Variants in VAT1L observed in about 807,000 individuals in gnomAD.
The protein encoded by VAT1L is vesicle amine transport 1 like, also known as putative NADPH-dependent quinone oxidoreductase VAT1L.
Under a neutral mutation model 44.1 loss-of-function variants are expected in VAT1L, and 34 were observed. The observed-to-expected ratio is 0.77, with a 90% CI of 0.59 to 1.03. VAT1L has a LOEUF of 1.03. Among genes scored for constraint, VAT1L ranks in the 50% least tolerant of loss-of-function variants. The pLI is 0.00. For synonymous variants in VAT1L, 253 were observed against 202.2 expected (o/e 1.25, Z -2.13); for missense variants, 615 against 538.8 (o/e 1.14, Z -1.40).
intron 8 of VAT1L, among the ~76,000 whole-genome samples, chr16:77,974,772 T>C (rs1284846585): frequency 6.6e-6 from 1 of 152,152 alleles, no homozygotes; most frequent in Non-Finnish European, 1.5e-5. Flanking sequence ...TTTCACCATG[T>C]TGGCCAGGCT....
At chr16:77,793,562 G>A (rs1423922402) in intron 1 of VAT1L, among the ~76,000 whole-genome samples, 1 of 152,148 alleles carries the variant, frequency 6.6e-6, no homozygotes, top group Non-Finnish European at 1.5e-5. Context: ...GGGTCTCCAG[G>A]TTGGGCTGCA....
chr16:77,900,952 T>C (rs545182815), intron 7 of VAT1L, among the ~76,000 whole-genome samples: 2 of 152,028 alleles, frequency 1.3e-5, no homozygotes, highest in East Asian at 3.9e-4. Flanking sequence ...CACAGCAAAA[T>C]GCAAGAGGCA....
chr16:77,828,426 G>A lies in VAT1L; in HGVS notation c.579+2965G>A, dbSNP rs1425477556. ...CGCCTGTAATCCCAGCACTTTGGGA[G>A]GCCAATGCGGGCGGATCACCTGAGG... On this transcript the variant is annotated intron_variant, in intron 3 of 8. Coordinates refer to ENST00000302536, the MANE Select transcript of VAT1L (RefSeq NM_020927.3). Among the ~76,000 whole-genome samples the A allele has an allele frequency of 2.6e-5, 4 of 152,192 alleles. No individual in the cohort carries two copies. In the East Asian group the frequency reaches 5.8e-4, roughly 22 times the overall value.
intron 3 of VAT1L, among the ~76,000 whole-genome samples, chr16:77,852,398 C>T (rs181339648): frequency 7.8e-4 from 119 of 152,340 alleles, no homozygotes; most frequent in Non-Finnish European, 1.3e-3. Flanking sequence ...TCTGATCAGG[C>T]GTCTCGGGCA....
In VAT1L at chr16:77,788,890, G is replaced by T. The variant is rs753495724; in HGVS notation, c.208G>T (p.Glu70Ter). 2 of 1,544,572 alleles carry T rather than the reference G, an allele frequency of 1.3e-6. No individual in the cohort carries two copies. The highest frequency in any genetic ancestry group is 1.7e-6 in the Non-Finnish European group (2 of 1,147,284). The change falls in exon 1 of 9, where the codon GAG (glutamate) becomes TAG (stop). Residue 70 changes from glutamate to a stop codon, truncating the protein, a stop_gained. Coordinates refer to ENST00000302536, the MANE Select transcript of VAT1L (RefSeq NM_020927.3). LOFTEE classifies it high-confidence loss of function. The part of the protein sequence containing the change: ...RKAMPEPQDG[E>*]LKIRVKACGL... ...GGCCATGCCCGAGCCTCAGGACGGC[G>T]AGCTCAAGATCCGCGTCAAAGCCTG...
At chr16:77,933,111 G>T (rs1395588948) in intron 7 of VAT1L, among the ~76,000 whole-genome samples, 2 of 152,186 alleles carry the variant, frequency 1.3e-5, no homozygotes, top group African/African-American at 4.8e-5. Flanking sequence ...AGGACCCTAA[G>T]TTCTTAGTCA....
chr16:77,899,987 C>T (rs941431905), intron 7 of VAT1L, among the ~76,000 whole-genome samples: 7 of 152,166 alleles, frequency 4.6e-5, no homozygotes, highest in African/African-American at 1.7e-4. Context: ...TGTTTACTTC[C>T]CAAGCTACAC....
At chr16:77,954,865 G>C (rs533110162) in intron 7 of VAT1L, among the ~76,000 whole-genome samples, 5 of 152,098 alleles carry the variant, frequency 3.3e-5, no homozygotes, top group Non-Finnish European at 5.9e-5. Flanking sequence ...CCTAGGGTGA[G>C]GCCAATACAT....
At chr16:77,945,199 C>T (rs556336036) in intron 7 of VAT1L, among the ~76,000 whole-genome samples, 3 of 150,922 alleles carry the variant, frequency 2.0e-5, no homozygotes, top group Admixed American at 6.6e-5. Context: ...CATAGAAGAG[C>T]ACAAAAAACA....
At chr16:77,881,109 T>C (rs2017149200) in intron 6 of VAT1L, among the ~76,000 whole-genome samples, 1 of 152,232 alleles carries the variant, frequency 6.6e-6, no homozygotes, top group Non-Finnish European at 1.5e-5. Context: ...TTTGGATATA[T>C]ACCCAGTAAT....
rs1344074866 is a variant in VAT1L, at chr16:77,879,398, C to G, written c.882+174C>G. 6.6e-6 allele frequency among the ~76,000 whole-genome samples: 1 copy of G among 152,222 alleles called. No homozygotes were observed. The highest frequency in any genetic ancestry group is 2.4e-5 in the African/African-American group (1 of 41,460). The stretch of plus-strand genomic sequence containing the variant: ...CTCCGACTCCCTGGTTCAAGCGATT[C>G]TCCTGCCTCAGCCTCCCTAGTAGCT... On this transcript the variant is annotated intron_variant, in intron 6 of 8. Coordinates refer to ENST00000302536, the MANE Select transcript of VAT1L (RefSeq NM_020927.3). The surrounding 1 kb of genome is among the most constrained non-coding windows in gnomAD (Gnocchi z 4.1).
At chr16:77,797,148 A>G (rs1440765788) in intron 1 of VAT1L, among the ~76,000 whole-genome samples, 2 of 150,274 alleles carry the variant, frequency 1.3e-5, no homozygotes, top group African/African-American at 4.9e-5. Flanking sequence ...GTCTCGCTCT[A>G]TCACCCAGGC....
chr16:77,887,878 C>T (rs1326117821), intron 7 of VAT1L, among the ~76,000 whole-genome samples: 2 of 152,154 alleles, frequency 1.3e-5, no homozygotes, highest in Admixed American at 1.3e-4. Context: ...TCCTGCTATA[C>T]CTGAAATACA....
chr16:77,825,584 A>T, intron 3 of VAT1L, 123 bp downstream of exon 3: 1 of 1,132,678 alleles, frequency 8.8e-7, no homozygotes, highest in Non-Finnish European at 1.3e-6. Context: ...GTTCTGGTAG[A>T]GTTCACATGG....
intron 3 of VAT1L, among the ~76,000 whole-genome samples, chr16:77,855,832 A>T (rs1267278392): frequency 1.3e-5 from 2 of 152,268 alleles, no homozygotes; most frequent in Admixed American, 1.3e-4. Context: ...ATCCTGGCCA[A>T]CATGGTGAAA....
At chr16:77,890,659 A>T (rs577846488) in intron 7 of VAT1L, among the ~76,000 whole-genome samples, 2 of 152,288 alleles carry the variant, frequency 1.3e-5, no homozygotes, top group South Asian at 4.1e-4. Flanking sequence ...GTGGTGGCTC[A>T]CACCTGTTAT....
At chr16:77,812,446 C>G (rs1296607296) in intron 1 of VAT1L, among the ~76,000 whole-genome samples, 1 of 152,136 alleles carries the variant, frequency 6.6e-6, no homozygotes, top group Non-Finnish European at 1.5e-5. Context: ...ATGGGATACA[C>G]AATAAGGAAG....
intron 7 of VAT1L, among the ~76,000 whole-genome samples, chr16:77,944,405 G>A (rs2017933513): frequency 6.6e-6 from 1 of 152,166 alleles, no homozygotes; most frequent in African/African-American, 2.4e-5. Context: ...TCTCCGACTT[G>A]TTAAAGCAAT....
intron 7 of VAT1L, among the ~76,000 whole-genome samples, chr16:77,922,096 C>A (rs1377038474): frequency 6.6e-6 from 1 of 151,954 alleles, no homozygotes; most frequent in African/African-American, 2.4e-5. Context: ...CCTACTGAGA[C>A]AAGTTACTTT....
Sources: allele counts gnomAD v4.1 joint callset (sites outside exome capture counted in the v4.1 genomes callset), GRCh38; gene constraint gnomAD v4.1.1; non-coding constraint Gnocchi (gnomAD v3.1); transcripts MANE v1.5; gene names NCBI Gene and HGNC (gene_info 2026-07-23, HGNC 2026-07-21).